Variants in SARS1 observed in about 807,000 individuals in gnomAD.
SARS1 encodes serine--tRNA ligase, cytoplasmic.
A neutral mutation model predicts 63.7 loss-of-function variants in SARS1; 25 were observed. That is an observed-to-expected ratio of 0.39 (90% CI 0.29 to 0.55). The LOEUF is 0.55. SARS1 is among the 20% of genes least tolerant of loss of function. The pLI is 0.62. For synonymous variants in SARS1, 231 were observed against 243.5 expected, an observed-to-expected ratio of 0.95 and a Z score of 0.48; for missense variants, 417 against 649.7, an observed-to-expected ratio of 0.64 and a Z score of 3.89.
At chr1:109,220,220 G>C (rs1386900958) in intron 1 of SARS1, among the ~76,000 whole-genome samples, 1 of 152,194 alleles carries the variant, frequency 6.6e-6, no homozygotes, top group Admixed American at 6.5e-5. Context: ...ACTCATTTCT[G>C]TTGGGTATGT....
In SARS1 at chr1:109,231,930, G is replaced by T. The variant is rs1310377821; in HGVS notation, c.747+144G>T. The T allele has an allele frequency of 6.5e-6, 4 of 619,932 alleles. No homozygotes were observed. In the East Asian group the frequency reaches 1.0e-4, roughly 16 times the overall value. The allele number at this position is 619,932 out of a possible 1,614,324, so 38.4% of individuals were successfully genotyped here. The stretch of plus-strand genomic sequence containing the variant: ...TGACTCTTGAGCACTTAAAATGTGG[G>T]TGGTGCAATGGAGGAAGCACATTTT... On this transcript the variant is annotated intron_variant, in intron 6 of 10. Transcript: ENST00000234677.
intron 1 of SARS1, chr1:109,217,267 A>C: frequency 1.5e-5 from 7 of 459,282 alleles, no homozygotes; most frequent in Non-Finnish European, 2.0e-5. Flanking sequence ...ACTGAATATC[A>C]TAGCTTAGCC....
chr1:109,236,935 G>A, intron 9 of SARS1: 3 of 1,521,206 alleles, frequency 2.0e-6, no homozygotes, highest in Non-Finnish European at 2.6e-6. Flanking sequence ...CAAGTCAGGT[G>A]CTTGAAAGGG....
At chr1:109,236,365 T>A in intron 8 of SARS1, 26 bp from the exon 9 acceptor site, 1 of 1,574,888 alleles carries the variant, frequency 6.3e-7, no homozygotes, top group Non-Finnish European at 8.7e-7. Context: ...CCCTCCTTCA[T>A]GAATTCTAGG....
chr1:109,221,027 C>A (rs1428409767), intron 1 of SARS1, among the ~76,000 whole-genome samples: 1 of 150,338 alleles, frequency 6.7e-6, no homozygotes, highest in Non-Finnish European at 1.5e-5. Context: ...TAGATACTTA[C>A]AGAAAAACCC....
At chr1:109,233,852 C>T in intron 6 of SARS1, among the ~76,000 whole-genome samples, 1 of 145,198 alleles carries the variant, frequency 6.9e-6, no homozygotes, top group East Asian at 2.0e-4. Flanking sequence ...GTCGCCACCA[C>T]ACCTGGCTAA....
chr1:109,222,360 G>T (rs1654967603), intron 1 of SARS1, among the ~76,000 whole-genome samples: 1 of 151,936 alleles, frequency 6.6e-6, no homozygotes, highest in African/African-American at 2.4e-5. Flanking sequence ...ACCTTATTCA[G>T]ATTTTGCCAG....
chr1:109,214,173 A>G lies in SARS1; in HGVS notation c.136+45A>G, dbSNP rs779573829. 1.1e-5 allele frequency: 18 copies of G among 1,595,428 alleles called. No individual in the cohort carries two copies. The highest frequency in any genetic ancestry group is 9.5e-5 in the African/African-American group (7 of 74,014). On this transcript the variant is annotated intron_variant, in intron 1 of 10. Transcript: ENST00000234677. This position sits in a 1 kb window ranked among gnomAD's most constrained non-coding sequence, Gnocchi z 4.6. ...GGTTACCTCCTTGATGCTAAACCCA[A>G]TTTTCTCTCTCAAATCCAGCCACCG...
intron 6 of SARS1, among the ~76,000 whole-genome samples, chr1:109,234,958 TC>T (rs1655279673): frequency 6.6e-6 from 1 of 152,196 alleles, no homozygotes; most frequent in East Asian, 1.9e-4. Flanking sequence ...AGAGTGAGGC[TC>T]TGTCTCAAAA....
rs1006232707 is a variant in SARS1 at position 109,214,291 on chromosome 1, C to T, written c.136+163C>T. Among the ~76,000 whole-genome samples, 1 of 152,232 alleles carries T rather than the reference C, an allele frequency of 6.6e-6. No individual in the cohort carries two copies. Among genetic ancestry groups the T allele is most frequent in the Admixed American group, 6.5e-5 (1 of 15,286 alleles). ...CCCATCCCCGAAAACACAGCCTGGT[C>T]GCCGGGGTCATCCCACTTTCTCCTC... On this transcript the variant is annotated intron_variant, in intron 1 of 10. Coordinates refer to ENST00000234677, the MANE Select transcript of SARS1 (RefSeq NM_006513.4). The surrounding 1 kb of genome is among the most constrained non-coding windows in gnomAD (Gnocchi z 4.6).
intron 5 of SARS1, 53 bp downstream of exon 5, chr1:109,231,074 T>C: frequency 2.0e-6 from 2 of 980,864 alleles, no homozygotes; most frequent in African/African-American, 2.0e-5. Context: ...ACAAAATATA[T>C]ATATATATAT....
intron 2 of SARS1, 83 bp downstream of exon 2, chr1:109,224,131 C>A: frequency 2.0e-6 from 2 of 1,018,098 alleles, no homozygotes; most frequent in Non-Finnish European, 3.1e-6. Flanking sequence ...CACAGAAGTT[C>A]TAACTCAGTG....
In SARS1 at chr1:109,214,487, C is replaced by A; in HGVS notation, c.136+359C>A. On this transcript the variant is annotated intron_variant, in intron 1 of 10. Coordinates refer to ENST00000234677, the MANE Select transcript of SARS1 (RefSeq NM_006513.4). This position sits in a 1 kb window ranked among gnomAD's most constrained non-coding sequence, Gnocchi z 4.6. ...GGCTTTCCTAACACGAATCTTTGGT[C>A]CCCCCCAGTCTTTTTCTCATCTTCA... The A allele has an allele frequency of 2.0e-6, 2 of 991,194 alleles. No individual in the cohort carries two copies. Among genetic ancestry groups the A allele is most frequent in the Non-Finnish European group, 2.4e-6 (2 of 817,646 alleles). 61.4% of individuals were successfully genotyped at this position (991,194 alleles called of 1,614,324 possible).
rs1454012810 is a variant in SARS1, at chr1:109,228,363, A to C, written c.219A>C (p.Pro73=). Residue 73 remains proline (P), a synonymous_variant, in exon 3 of 11, where the codon CCA becomes CCC. Transcript: ENST00000234677. ...TTTCCTTCCTGCAGAAAAAAGAGCC[A>C]GTGGGAGATGATGAGTCTGTCCCAG... is the stretch of plus-strand genomic sequence containing the variant. ...TIGEKMKKKE[P]VGDDESVPEN... is the part of the protein sequence containing the mutation. 6.2e-7 allele frequency: 1 copy of C among 1,612,434 alleles called. No individual in the cohort carries two copies. Among genetic ancestry groups the C allele is most frequent in the East Asian group, 2.2e-5 (1 of 44,860 alleles).
chr1:109,236,114 A>G lies in SARS1; in HGVS notation c.1099+8A>G. 2 of 1,608,232 alleles carry G rather than the reference A, an allele frequency of 1.2e-6. No individual in the cohort carries two copies. The highest frequency in any genetic ancestry group is 1.1e-5 in the South Asian group (1 of 90,128). On this transcript the variant is annotated splice_region_variant and intron_variant, in intron 8 of 10. Coordinates refer to ENST00000234677, the MANE Select transcript of SARS1 (RefSeq NM_006513.4). ...TTGTGAATATTGTCTCAGGTATGGG[A>G]CCCAGCCTCTTCTCAGCCTCCCTTT...
Position 109,214,831 on chromosome 1 carries a change from A to T in SARS1, c.136+703A>T. On this transcript the variant is annotated intron_variant, in intron 1 of 10. Transcript: ENST00000234677. The surrounding 1 kb of genome is among the most constrained non-coding windows in gnomAD (Gnocchi z 4.6). ...GACGTTTTCCTTTAAAGACATTGGC[A>T]GAGTTGGGCTAGAACCTGGAACTGC... is the stretch of plus-strand genomic sequence containing the variant. The T allele has an allele frequency of 1.0e-6, 1 of 985,494 alleles. No homozygotes were observed. Among genetic ancestry groups the T allele is most frequent in the Non-Finnish European group, 1.2e-6 (1 of 829,946 alleles). 61.0% of individuals were successfully genotyped at this position (985,494 alleles called of 1,614,324 possible).
In SARS1 at chr1:109,231,633, G is replaced by A; in HGVS notation, c.594G>A (p.Gly198=). 1 of 1,521,090 alleles carries A rather than the reference G, an allele frequency of 6.6e-7. No homozygotes were observed. Among genetic ancestry groups the A allele is most frequent in the Non-Finnish European group, 8.8e-7 (1 of 1,137,318 alleles). 94.2% of individuals were successfully genotyped at this position (1,521,090 alleles called of 1,614,324 possible). Residue 198 remains glycine, a splice_region_variant and synonymous_variant, in exon 6 of 11, where the codon GGG becomes GGA. Transcript: ENST00000234677. The part of the protein sequence containing the change: ...VAGSRGYFLK[G]VLVFLEQALI... Reference sequence around the variant, plus strand: ...GTACTGTGTCTCTGCTCCTCTAGGGGGTCCTGGTGTTCCTGGAACAGGCTC... The same window carrying A: ...GTACTGTGTCTCTGCTCCTCTAGGGAGTCCTGGTGTTCCTGGAACAGGCTC...
Position 109,235,385 on chromosome 1 carries a change from A to T in SARS1, c.923A>T (p.His308Leu). Residue 308 changes from histidine to leucine, a missense_variant, in exon 7 of 11, where the codon CAT becomes CTT. This residue lies in a region of SARS1 where 359 missense variants were observed against 529.6 expected (regional missense o/e 0.68). Coordinates refer to ENST00000234677, the MANE Select transcript of SARS1 (RefSeq NM_006513.4). This position sits in a 1 kb window ranked among gnomAD's most constrained non-coding sequence, Gnocchi z 4.7. ...TGCTTCCGTCAGGAGGTGGGCTCCC[A>T]TGGCCGTGACACCCGTGGCATCTTC... ...STCFRQEVGS[H>L]GRDTRGIFRV... 1 of 1,613,946 alleles carries T rather than the reference A, an allele frequency of 6.2e-7. No homozygotes were observed. Among genetic ancestry groups the T allele is most frequent in the Non-Finnish European group, 8.5e-7 (1 of 1,180,020 alleles).
chr1:109,222,887 C>T (rs1654980965), intron 1 of SARS1, among the ~76,000 whole-genome samples: 1 of 152,146 alleles, frequency 6.6e-6, no homozygotes, highest in South Asian at 2.1e-4. Context: ...TGGTGGCGCA[C>T]ACCTGTAGTC....
Sources: allele counts gnomAD v4.1 joint callset (sites outside exome capture counted in the v4.1 genomes callset), GRCh38; gene constraint gnomAD v4.1.1; regional missense constraint gnomAD v4.1.1; non-coding constraint Gnocchi (gnomAD v3.1); transcripts MANE v1.5; gene names NCBI Gene and HGNC (gene_info 2026-07-23, HGNC 2026-07-21).